The following KLRG1 variants were observed in gnomAD, a reference collection of about 807,000 sequenced individuals.
KLRG1 encodes killer cell lectin-like receptor subfamily G member 1.
KLRG1 carries 16 observed loss-of-function variants against 21.8 expected under a neutral mutation model. That is an observed-to-expected ratio of 0.73 (90% CI 0.50 to 1.11). The LOEUF (loss-of-function observed/expected upper bound fraction) is 1.11. Ranked by LOEUF, KLRG1 falls within the 50% of genes most tolerant of loss-of-function variation. KLRG1 has a pLI of 0.00. For synonymous variants in KLRG1, 69 were observed against 75.9 expected (o/e 0.91, Z 0.47); for missense variants, 173 against 218.3 (o/e 0.79, Z 1.31).
At chr12:9,060,699 A>T in the KLRG1 span, among the ~76,000 whole-genome samples, 1 of 152,218 alleles carries the variant, frequency 6.6e-6, no homozygotes, top group Non-Finnish European at 1.5e-5. Flanking sequence ...AAAATAATTA[A>T]TTAAATCTTT....
At chr12:9,004,937 CATA>C (rs1464082278) in intron 3 of KLRG1, among the ~76,000 whole-genome samples, 1 of 151,900 alleles carries the variant, frequency 6.6e-6, no homozygotes, top group Middle Eastern at 3.2e-3. Context: ...TAAATTGGCA[CATA>C]ATAATTATAT....
the KLRG1 span, chr12:9,080,045 T>A: frequency 2.5e-6 from 3 of 1,201,036 alleles, no homozygotes; most frequent in Non-Finnish European, 3.5e-6. Context: ...ATAAAAATAG[T>A]ATAATAGAAG....
chr12:8,950,210 A>C (rs1444829499), exon 1 of KLRG1: 1 of 151,840 alleles, frequency 6.6e-6, no homozygotes, highest in Admixed American at 6.6e-5. Flanking sequence ...TCTTAACGAC[A>C]CCTCTCCTCT....
chr12:8,971,133 A>G (rs1331907306), intron 1 of KLRG1: 2 of 151,992 alleles, frequency 1.3e-5, no homozygotes, highest in African/African-American at 2.4e-5. Context: ...GTGTACTTAC[A>G]TTTTCTACTT....
chr12:9,088,433 TA>T, the KLRG1 span, among the ~76,000 whole-genome samples: 1 of 152,156 alleles, frequency 6.6e-6, no homozygotes, highest in Non-Finnish European at 1.5e-5. Context: ...GAATGATAGG[TA>T]ATCAGTTCAC....
chr12:9,090,410 T>G, the KLRG1 span: 1 of 1,613,994 alleles, frequency 6.2e-7, no homozygotes, highest in South Asian at 1.1e-5. Context: ...TTTGCACAGA[T>G]GCAGTGAGGC....
the KLRG1 span, among the ~76,000 whole-genome samples, chr12:9,133,374 A>G: frequency 6.6e-6 from 1 of 152,192 alleles, no homozygotes; most frequent in African/African-American, 2.4e-5. Flanking sequence ...AAGAATTTTA[A>G]TGCATATTTT....
At chr12:9,093,666 A>T in the KLRG1 span, 1 of 745,322 alleles carries the variant, frequency 1.3e-6, no homozygotes, top group South Asian at 3.0e-5. Flanking sequence ...AAAAAAAAAA[A>T]CAAAAAACAA....
chr12:8,964,943 A>T (rs981914355), intron 1 of KLRG1, among the ~76,000 whole-genome samples: 1 of 151,884 alleles, frequency 6.6e-6, no homozygotes, highest in Non-Finnish European at 1.5e-5. Context: ...TGCACATGAG[A>T]TGGGTTTCCG....
chr12:9,180,264 A>G, the KLRG1 span, among the ~76,000 whole-genome samples: 1 of 152,144 alleles, frequency 6.6e-6, no homozygotes, highest in Non-Finnish European at 1.5e-5. Flanking sequence ...CCATCAAGCT[A>G]CCAATGACTT....
chr12:8,967,477 T>A (rs185486572), intron 1 of KLRG1, among the ~76,000 whole-genome samples: 5 of 152,258 alleles, frequency 3.3e-5, no homozygotes, highest in Non-Finnish European at 5.9e-5. Flanking sequence ...ATCCCAGCAC[T>A]TTGGGAAGCT....
chr12:8,983,623 A>G (rs968331657), intron 1 of KLRG1, among the ~76,000 whole-genome samples: 1 of 151,858 alleles, frequency 6.6e-6, no homozygotes, highest in African/African-American at 2.4e-5. Context: ...CTGGTCTCGA[A>G]CTGGTGAGCT....
chr12:8,970,646 G>A (rs1946551552), intron 1 of KLRG1: 1 of 152,090 alleles, frequency 6.6e-6, no homozygotes, highest in African/African-American at 2.4e-5. Flanking sequence ...TCAGTACAGT[G>A]TTTCATAGAG....
At chr12:9,184,355 T>A in the KLRG1 span, among the ~76,000 whole-genome samples, 1 of 152,098 alleles carries the variant, frequency 6.6e-6, no homozygotes, top group Non-Finnish European at 1.5e-5. Context: ...CTGCCACCAG[T>A]ATGAATGCAC....
chr12:9,069,696 G>A, the KLRG1 span: 7 of 1,457,252 alleles, frequency 4.8e-6, no homozygotes, highest in Non-Finnish European at 5.7e-6. Flanking sequence ...TGTTCCCTTA[G>A]AGGATTATTA....
the KLRG1 span, among the ~76,000 whole-genome samples, chr12:9,211,026 A>T: frequency 2.7e-4 from 41 of 152,212 alleles, no homozygotes; most frequent in Non-Finnish European, 4.9e-4. Flanking sequence ...AGATTGTTGT[A>T]TGAGAGGCAT....
chr12:9,114,241 T>C, the KLRG1 span, among the ~76,000 whole-genome samples: 1 of 152,232 alleles, frequency 6.6e-6, no homozygotes, highest in Non-Finnish European at 1.5e-5. Context: ...TCATGTGCAG[T>C]ACAGAAACTT....
At chr12:9,167,944 G>A in the KLRG1 span, among the ~76,000 whole-genome samples, 1 of 151,852 alleles carries the variant, frequency 6.6e-6, no homozygotes, top group Non-Finnish European at 1.5e-5. Context: ...TACCATTTTT[G>A]AGAAATTGTT....
chr12:9,113,407 T>C, the KLRG1 span: 1 of 1,613,698 alleles, frequency 6.2e-7, no homozygotes, highest in Admixed American at 1.7e-5. Context: ...TCCAGGTCAG[T>C]GAAGAGGCTC....
Sources: allele counts gnomAD v4.1 joint callset (sites outside exome capture counted in the v4.1 genomes callset), GRCh38; gene constraint gnomAD v4.1.1; transcripts MANE v1.5; gene names NCBI Gene and HGNC (gene_info 2026-07-23, HGNC 2026-07-21).